EYS: variants seen among roughly 807,000 people sequenced by gnomAD.
EYS encodes the protein EGF-like photoreceptor maintenance factor.
A neutral mutation model predicts 282.1 loss-of-function variants in EYS; 250 were observed. The observed-to-expected ratio is 0.89, with a 90% CI of 0.80 to 0.98. EYS has a LOEUF of 0.98. Among genes scored for constraint, EYS ranks in the 50% least tolerant of loss-of-function variants. EYS has a pLI of 0.00. For synonymous variants in EYS, 1,355 were observed against 1,282.9 expected (o/e 1.06, Z -1.20); for missense variants, 4,016 against 3,709.0 (o/e 1.08, Z -2.15).
chr6:65,434,482 A>T (rs201105255), intron 5 of EYS, among the ~76,000 whole-genome samples: 3 of 151,862 alleles, frequency 2.0e-5, no homozygotes, highest in Non-Finnish European at 4.4e-5. Context: ...CACCACGCCC[A>T]GCTAAATTTT....
intron 14 of EYS, among the ~76,000 whole-genome samples, chr6:64,986,784 T>C (rs1334355193): frequency 1.2e-5 from 1 of 84,624 alleles, no homozygotes; most frequent in African/African-American, 2.8e-5. Flanking sequence ...GAAATGTTTT[T>C]AGTTTGTCTC....
intron 19 of EYS, among the ~76,000 whole-genome samples, chr6:64,853,800 G>C (rs953127553): frequency 6.6e-6 from 1 of 152,048 alleles, no homozygotes; most frequent in Non-Finnish European, 1.5e-5. Context: ...AAGAACATCA[G>C]AGTGAACAGG....
intron 28 of EYS, among the ~76,000 whole-genome samples, chr6:64,433,051 C>G (rs1036431106): frequency 1.3e-5 from 2 of 152,026 alleles, no homozygotes; most frequent in Admixed American, 6.6e-5. Context: ...AAAGGACCAT[C>G]CTGCTCTGCA....
At chr6:64,350,907 C>A (rs759137893) in intron 29 of EYS, among the ~76,000 whole-genome samples, 1 of 151,448 alleles carries the variant, frequency 6.6e-6, no homozygotes, top group Non-Finnish European at 1.5e-5. Context: ...AATGAGTTCT[C>A]ACGGTATCTG....
intron 2 of EYS, among the ~76,000 whole-genome samples, chr6:65,633,328 A>T (rs1766983636): frequency 6.6e-6 from 1 of 152,236 alleles, no homozygotes; most frequent in Non-Finnish European, 1.5e-5. Context: ...ATATGAAAAG[A>T]CATTGTAAAA....
At chr6:65,300,376 A>G (rs943843366) in intron 11 of EYS, among the ~76,000 whole-genome samples, 2 of 152,132 alleles carry the variant, frequency 1.3e-5, no homozygotes, top group African/African-American at 4.8e-5. Flanking sequence ...TTTAGGTTAG[A>G]CCTCTTAGAA....
At chr6:64,491,115 G>T (rs1220767196) in intron 26 of EYS, among the ~76,000 whole-genome samples, 1 of 150,796 alleles carries the variant, frequency 6.6e-6, no homozygotes, top group Admixed American at 6.6e-5. Context: ...ATAAGAAGAA[G>T]AATATCATCC....
At chr6:64,266,967 G>C (rs1287364932) in intron 30 of EYS, among the ~76,000 whole-genome samples, 1 of 152,132 alleles carries the variant, frequency 6.6e-6, no homozygotes, top group Non-Finnish European at 1.5e-5. Context: ...TATGGGCTAT[G>C]TATTCTATTT....
chr6:64,195,677 ATGTT>A (rs1251088814), intron 31 of EYS, among the ~76,000 whole-genome samples: 4 of 152,158 alleles, frequency 2.6e-5, no homozygotes, highest in Non-Finnish European at 5.9e-5. Flanking sequence ...CTTTATGTGT[ATGTT>A]TGTGTGTATG....
intron 22 of EYS, among the ~76,000 whole-genome samples, chr6:64,754,502 T>C (rs76770393): frequency 0.021 from 3,170 of 152,146 alleles, 108 homozygotes; most frequent in African/African-American, 0.069. Flanking sequence ...CAGTATCAGC[T>C]TGATACTGTT....
At chr6:64,016,185 T>C (rs974519813) in intron 33 of EYS, among the ~76,000 whole-genome samples, 2 of 152,226 alleles carry the variant, frequency 1.3e-5, no homozygotes, top group African/African-American at 4.8e-5. Context: ...ATGTTTTTAT[T>C]ATTAGCAATA....
At chr6:64,925,469 G>T (rs1768486249) in intron 15 of EYS, among the ~76,000 whole-genome samples, 1 of 152,148 alleles carries the variant, frequency 6.6e-6, no homozygotes. Context: ...GATGTGCCTG[G>T]TGTGTCAGCA....
chr6:65,288,446 AAC>A (rs760805469), intron 12 of EYS, among the ~76,000 whole-genome samples: 1 of 150,572 alleles, frequency 6.6e-6, no homozygotes, highest in Non-Finnish European at 1.5e-5. Context: ...GATACAAACA[AAC>A]ACATATGTAT....
intron 22 of EYS, among the ~76,000 whole-genome samples, chr6:64,671,200 T>G (rs1769446173): frequency 6.6e-6 from 1 of 152,042 alleles, no homozygotes; most frequent in South Asian, 2.1e-4. Context: ...TGTTTGTGTC[T>G]CCCCAAAATT....
At chr6:64,971,482 G>T (rs1034598579) in intron 14 of EYS, among the ~76,000 whole-genome samples, 5 of 152,066 alleles carry the variant, frequency 3.3e-5, no homozygotes, top group African/African-American at 9.7e-5. Flanking sequence ...AAAATAAACA[G>T]CTTCCAGTTT....
chr6:65,542,828 T>A (rs947852553), intron 2 of EYS, among the ~76,000 whole-genome samples: 2 of 152,122 alleles, frequency 1.3e-5, no homozygotes, highest in African/African-American at 4.8e-5. Context: ...TTTAAAGACA[T>A]GCATATTTTA....
In EYS at chr6:63,990,297, A is replaced by C. The variant is rs140294914; in HGVS notation, c.6835-5694T>G. On this transcript the variant is annotated intron_variant, in intron 34 of 42. Transcript: ENST00000503581. ...ACATGGACCAATTCCCTTTGAGAGG[A>C]ATTTAGAAAACAGTTAAGAGGGTCC... Among the ~76,000 whole-genome samples the C allele has an allele frequency of 4.4e-3, 667 of 151,684 alleles. 4 individuals carry two copies. Among genetic ancestry groups the C allele is most frequent in the African/African-American group, 0.015 (628 of 41,454 alleles).
chr6:64,375,474 C>T (rs1466292217), intron 29 of EYS, among the ~76,000 whole-genome samples: 3 of 152,208 alleles, frequency 2.0e-5, no homozygotes, highest in Non-Finnish European at 2.9e-5. Flanking sequence ...TTATGCCTCT[C>T]GGCTAATATA....
At chr6:64,546,611 C>T (rs1394705152) in intron 26 of EYS, among the ~76,000 whole-genome samples, 1 of 151,996 alleles carries the variant, frequency 6.6e-6, no homozygotes, top group Non-Finnish European at 1.5e-5. Context: ...AAAGTTTTTG[C>T]AATCTACTCA....
Sources: allele counts gnomAD v4.1 joint callset (sites outside exome capture counted in the v4.1 genomes callset), GRCh38; gene constraint gnomAD v4.1.1; transcripts MANE v1.5; gene names NCBI Gene and HGNC (gene_info 2026-07-23, HGNC 2026-07-21).